ROR2: variants seen among roughly 807,000 people sequenced by gnomAD.
ROR2 encodes tyrosine-protein kinase transmembrane receptor ROR2.
In ROR2, 33 loss-of-function variants were observed where a neutral mutation model predicts 74.9. The observed-to-expected ratio is 0.44, with a 90% confidence interval of 0.33 to 0.59. The LOEUF is 0.59. Ranked by LOEUF, ROR2 falls within the 20% of genes least tolerant of loss-of-function variation. ROR2 has a pLI of 0.02. For missense variants in ROR2, 1,216 were observed against 1,313.8 expected (o/e 0.93, Z 1.15); for synonymous variants, 586 against 558.7 (o/e 1.05, Z -0.69).
intron 1 of ROR2, among the ~76,000 whole-genome samples, chr9:91,799,177 T>C (rs1827293266): frequency 6.6e-6 from 1 of 151,806 alleles, no homozygotes; most frequent in Non-Finnish European, 1.5e-5. Flanking sequence ...CTCCCCACCC[T>C]CTGGAAGGTA....
At chr9:91,908,119 G>C (rs1830865346) in intron 1 of ROR2, among the ~76,000 whole-genome samples, 1 of 152,234 alleles carries the variant, frequency 6.6e-6, no homozygotes, top group African/African-American at 2.4e-5. Context: ...AGGCACAGGT[G>C]ACACAGCTGT....
At chr9:91,737,241 T>TA in intron 5 of ROR2, 150 bp downstream of exon 5, 1 of 1,070,182 alleles carries the variant, frequency 9.3e-7, no homozygotes, top group Non-Finnish European at 1.4e-6. Context: ...CCACTACTTC[T>TA]AAAAAAGATC....
intron 1 of ROR2, among the ~76,000 whole-genome samples, chr9:91,809,377 A>G (rs1827672298): frequency 6.6e-6 from 1 of 152,252 alleles, no homozygotes; most frequent in Non-Finnish European, 1.5e-5. Flanking sequence ...CACCAGGAAC[A>G]GTGGGCACCA....
At chr9:91,801,075 AC>A (rs1378943862) in intron 1 of ROR2, among the ~76,000 whole-genome samples, 2 of 151,802 alleles carry the variant, frequency 1.3e-5, no homozygotes, top group Admixed American at 1.3e-4. Context: ...ACCCCCTCCC[AC>A]CCCCACTTAC....
intron 2 of ROR2, among the ~76,000 whole-genome samples, chr9:91,757,964 T>C (rs1825813604): frequency 6.6e-6 from 1 of 152,172 alleles, no homozygotes; most frequent in South Asian, 2.1e-4. Flanking sequence ...TTTTTCTCCA[T>C]AAGGCATGTC....
At chr9:91,777,444 ATTAG>A (rs1233306818) in intron 1 of ROR2, among the ~76,000 whole-genome samples, 6 of 152,182 alleles carry the variant, frequency 3.9e-5, no homozygotes, top group African/African-American at 1.4e-4. Flanking sequence ...AAATGTTATT[ATTAG>A]TTATCTGGAA....
At chr9:91,762,600 A>T (rs1448709202) in intron 2 of ROR2, among the ~76,000 whole-genome samples, 1 of 152,242 alleles carries the variant, frequency 6.6e-6, no homozygotes, top group East Asian at 1.9e-4. Flanking sequence ...ACACTTAAAA[A>T]AAATTCTAGA....
chr9:91,877,174 C>T (rs1313311363), intron 1 of ROR2, among the ~76,000 whole-genome samples: 2 of 152,204 alleles, frequency 1.3e-5, no homozygotes, highest in South Asian at 2.1e-4. Flanking sequence ...CTATCAAGCA[C>T]GTGCAGGTGG....
At chr9:91,949,443 G>A (rs1169246283) in intron 1 of ROR2, among the ~76,000 whole-genome samples, 1 of 151,992 alleles carries the variant, frequency 6.6e-6, no homozygotes, top group Non-Finnish European at 1.5e-5. Flanking sequence ...ACAGACGGGG[G>A]ACACTCGGGG....
intron 4 of ROR2, among the ~76,000 whole-genome samples, chr9:91,740,226 C>T (rs1461766133): frequency 6.6e-6 from 1 of 152,116 alleles, no homozygotes; most frequent in Non-Finnish European, 1.5e-5. Context: ...CTCACACTTC[C>T]CTCACCGAAG....
chr9:91,816,129 A>G (rs1827922925), intron 1 of ROR2, among the ~76,000 whole-genome samples: 1 of 152,066 alleles, frequency 6.6e-6, no homozygotes, highest in African/African-American at 2.4e-5. Context: ...TTCTATCCCA[A>G]TACAGGTCTC....
chr9:91,804,649 G>A (rs143560302), intron 1 of ROR2, among the ~76,000 whole-genome samples: 12 of 152,298 alleles, frequency 7.9e-5, no homozygotes, highest in East Asian at 1.9e-4. Context: ...GGCTCCTGCC[G>A]GCTCCTGCCC....
At chr9:91,893,815 CG>C (rs1272616007) in intron 1 of ROR2, among the ~76,000 whole-genome samples, 8 of 152,158 alleles carry the variant, frequency 5.3e-5, no homozygotes, top group Admixed American at 5.2e-4. Flanking sequence ...CCTGCCATTT[CG>C]GAGAGACTTT....
chr9:91,854,205 A>C (rs760803002), intron 1 of ROR2, among the ~76,000 whole-genome samples: 2 of 152,156 alleles, frequency 1.3e-5, no homozygotes, highest in Non-Finnish European at 2.9e-5. Context: ...TTGTTGGAGG[A>C]TTGCTGATAG....
At chr9:91,921,953 CA>C (rs58497723) in intron 1 of ROR2, among the ~76,000 whole-genome samples, 5,001 of 141,492 alleles carry the variant, frequency 0.035, 116 homozygotes, top group South Asian at 0.062. Flanking sequence ...GACATTTCTC[CA>C]AAAAAAAAAA....
At chr9:91,928,206 C>T (rs2117930695) in intron 1 of ROR2, among the ~76,000 whole-genome samples, 1 of 152,270 alleles carries the variant, frequency 6.6e-6, no homozygotes, top group East Asian at 1.9e-4. Context: ...AGCCCCCACC[C>T]CCAGGCCCCA....
chr9:91,939,177 A>T (rs971168316), intron 1 of ROR2, among the ~76,000 whole-genome samples: 1 of 152,028 alleles, frequency 6.6e-6, no homozygotes, highest in African/African-American at 2.4e-5. Context: ...CTGAACCCGG[A>T]AGGCAGAGGT....
At position 91,785,041 on chromosome 9, in the gene ROR2, A is replaced by G. The variant is rs143800286; in HGVS notation, c.98-9223T>C. 1.8e-3 allele frequency among the ~76,000 whole-genome samples: 273 copies of G among 152,216 alleles called. 1 individual carries two copies. Among genetic ancestry groups the G allele is most frequent in the African/African-American group, 6.2e-3 (259 of 41,506 alleles). ...CAGCATCTTCCCACTTGCTCAGAGG[A>G]AAAGCTAGCTCCCTTCACTAGCCCT... is the stretch of plus-strand genomic sequence containing the variant. On this transcript the variant is annotated intron_variant, in intron 1 of 8. Transcript: ENST00000375708.
intron 1 of ROR2, among the ~76,000 whole-genome samples, chr9:91,826,815 A>C (rs1054038303): frequency 6.6e-6 from 1 of 150,902 alleles, no homozygotes; most frequent in Non-Finnish European, 1.5e-5. Context: ...AAAAGAAAAA[A>C]GAATGTGATC....
Sources: allele counts gnomAD v4.1 joint callset (sites outside exome capture counted in the v4.1 genomes callset), GRCh38; gene constraint gnomAD v4.1.1; transcripts MANE v1.5; gene names NCBI Gene and HGNC (gene_info 2026-07-23, HGNC 2026-07-21).